SYN2: variants seen among roughly 807,000 people sequenced by gnomAD.
SYN2 encodes the protein synapsin II.
Under a neutral mutation model 50.9 loss-of-function variants are expected in SYN2, and 19 were observed. The ratio of observed to expected loss-of-function variants is 0.37; its 90% CI spans 0.26 to 0.55. The LOEUF (loss-of-function observed/expected upper bound fraction) is 0.55, where lower values mean the gene tolerates loss of function less well. SYN2 is among the 20% of genes least tolerant of loss of function. The probability of loss-of-function intolerance (pLI) is 0.81; values close to 1 mark genes in which losing one functional copy is unlikely to be tolerated. For synonymous variants in SYN2, 255 were observed against 224.9 expected (o/e 1.13, Z -1.20); for missense variants, 587 against 576.4 (o/e 1.02, Z -0.19).
intron 9 of SYN2, among the ~76,000 whole-genome samples, chr3:12,169,487 C>T (rs1359713067): frequency 2.0e-5 from 3 of 152,224 alleles, no homozygotes; most frequent in African/African-American, 7.2e-5. Flanking sequence ...TGCTTTCTAC[C>T]TCTTCTGGCT....
intron 1 of SYN2, among the ~76,000 whole-genome samples, chr3:12,018,560 G>T (rs1304064274): frequency 6.6e-6 from 1 of 152,120 alleles, no homozygotes; most frequent in Non-Finnish European, 1.5e-5. Context: ...TCCCTTTGGT[G>T]CTAGCTTGGA....
intron 1 of SYN2, among the ~76,000 whole-genome samples, chr3:12,060,360 C>G (rs935323593): frequency 1.3e-5 from 2 of 152,136 alleles, no homozygotes; most frequent in African/African-American, 2.4e-5. Context: ...CAAAGACCTA[C>G]TCTCCAGAGG....
intron 5 of SYN2, among the ~76,000 whole-genome samples, chr3:12,158,010 A>C (rs1348300993): frequency 6.6e-6 from 1 of 152,228 alleles, no homozygotes; most frequent in Non-Finnish European, 1.5e-5. Context: ...CTGGCCTTGC[A>C]CTAGGCACTA....
chr3:12,161,480 A>G (rs1697647173), intron 5 of SYN2, 66 bp from the exon 6 acceptor site: 10 of 1,577,882 alleles, frequency 6.3e-6, no homozygotes, highest in Non-Finnish European at 8.7e-6. Context: ...CAAGAAAAAT[A>G]TGTGTAGGAT....
chr3:12,074,421 C>T (rs1695427651), intron 1 of SYN2, among the ~76,000 whole-genome samples: 1 of 151,908 alleles, frequency 6.6e-6, no homozygotes, highest in Admixed American at 6.6e-5. Flanking sequence ...GATTGCAAGC[C>T]CTCCCACTCT....
chr3:12,131,566 A>C (rs1696797277), intron 1 of SYN2, among the ~76,000 whole-genome samples: 1 of 152,206 alleles, frequency 6.6e-6, no homozygotes, highest in Admixed American at 6.5e-5. Context: ...CCATGACTCC[A>C]AAGCATTCTG....
intron 1 of SYN2, among the ~76,000 whole-genome samples, chr3:12,129,937 A>T (rs565107718): frequency 6.6e-6 from 1 of 152,210 alleles, no homozygotes; most frequent in African/African-American, 2.4e-5. Flanking sequence ...TGTCCTCATA[A>T]GAAGAGAGAC....
intron 1 of SYN2, among the ~76,000 whole-genome samples, chr3:12,077,523 A>C (rs538379774): frequency 2.0e-5 from 3 of 151,200 alleles, no homozygotes; most frequent in Non-Finnish European, 4.4e-5. Context: ...CCCTGTGTCC[A>C]TATGTTCTCA....
At chr3:12,045,771 A>G (rs902267283) in intron 1 of SYN2, among the ~76,000 whole-genome samples, 1 of 152,154 alleles carries the variant, frequency 6.6e-6, no homozygotes, top group African/African-American at 2.4e-5. Context: ...AACATTGAGT[A>G]GTGGGGGGCT....
intron 1 of SYN2, among the ~76,000 whole-genome samples, chr3:12,035,247 A>C (rs1265920257): frequency 6.6e-6 from 1 of 152,198 alleles, no homozygotes; most frequent in Non-Finnish European, 1.5e-5. Flanking sequence ...ACAAGGCCTC[A>C]AGCAGCCCTG....
chr3:12,077,834 CCAGTA>C (rs1344976782), intron 1 of SYN2, among the ~76,000 whole-genome samples: 32 of 151,992 alleles, frequency 2.1e-4, no homozygotes, highest in African/African-American at 7.5e-4. Context: ...GGGTATATAC[CCAGTA>C]ATGGGATTGC....
At chr3:12,116,614 G>A (rs74956164) in intron 1 of SYN2, among the ~76,000 whole-genome samples, 3,214 of 152,146 alleles carry the variant, frequency 0.021, 48 homozygotes, top group Non-Finnish European at 0.034. Context: ...TGTGGAGAAC[G>A]AGGGGAAGAG....
intron 1 of SYN2, among the ~76,000 whole-genome samples, chr3:12,015,586 G>A (rs1300090245): frequency 6.6e-6 from 1 of 152,190 alleles, no homozygotes; most frequent in Middle Eastern, 3.2e-3. Flanking sequence ...AAAGTGTAAA[G>A]TGCTATAGAA....
chr3:12,026,020 T>C (rs547899643), intron 1 of SYN2, among the ~76,000 whole-genome samples: 34 of 152,348 alleles, frequency 2.2e-4, no homozygotes, highest in Admixed American at 3.9e-4. Context: ...AAAGAGCTTA[T>C]AGGTGCTATT....
chr3:12,079,076 AG>A (rs1443819745), intron 1 of SYN2, among the ~76,000 whole-genome samples: 17 of 152,096 alleles, frequency 1.1e-4, no homozygotes, highest in African/African-American at 3.4e-4. Context: ...CGTGAACAGG[AG>A]TTCATTCATA....
chr3:12,122,792 G>A (rs963810192), intron 1 of SYN2, among the ~76,000 whole-genome samples: 1 of 151,916 alleles, frequency 6.6e-6, no homozygotes, highest in South Asian at 2.1e-4. Flanking sequence ...ACCCTCTTAA[G>A]CTGTTAAAAA....
At chr3:12,070,293 G>T in intron 1 of SYN2, 1 of 491,362 alleles carries the variant, frequency 2.0e-6, no homozygotes, top group African/African-American at 2.0e-5. Context: ...GATTTGCTGG[G>T]GACGACGCCC....
chr3:12,179,383 A>G (rs1286444242), intron 10 of SYN2, among the ~76,000 whole-genome samples: 2 of 151,062 alleles, frequency 1.3e-5, no homozygotes, highest in African/African-American at 4.9e-5. Context: ...AGAAAAAAAA[A>G]AAAAAAAAAA....
At chr3:12,011,458 G>A (rs192632867) in intron 1 of SYN2, among the ~76,000 whole-genome samples, 1 of 152,320 alleles carries the variant, frequency 6.6e-6, no homozygotes, top group East Asian at 1.9e-4. Context: ...AGATACCACA[G>A]GTGCCTGAAC....
Sources: allele counts gnomAD v4.1 joint callset (sites outside exome capture counted in the v4.1 genomes callset), GRCh38; gene constraint gnomAD v4.1.1; transcripts MANE v1.5; gene names NCBI Gene and HGNC (gene_info 2026-07-23, HGNC 2026-07-21).